The following POLD2 variants were observed in gnomAD, a reference collection of about 807,000 sequenced individuals.
The protein encoded by POLD2 is DNA polymerase delta subunit 2.
POLD2 carries 31 observed loss-of-function variants against 48.8 expected under a neutral mutation model. The ratio of observed to expected loss-of-function variants is 0.64; its 90% confidence interval spans 0.48 to 0.86. The LOEUF (loss-of-function observed/expected upper bound fraction) is 0.86. Among genes scored for constraint, POLD2 ranks in the 40% least tolerant of loss-of-function variants. The probability of loss-of-function intolerance (pLI) is 0.00; values close to 1 mark genes in which losing one functional copy is unlikely to be tolerated. For missense variants in POLD2, 455 were observed against 610.1 expected, an observed-to-expected ratio of 0.75 and a Z score of 2.68; for synonymous variants, 233 against 256.3, an observed-to-expected ratio of 0.91 and a Z score of 0.87.
In POLD2 at chr7:44,116,541, C is replaced by T; in HGVS notation, c.781-31G>A. On this transcript the variant is annotated intron_variant, in intron 6 of 10. Transcript: ENST00000610533. This position sits in a 1 kb window ranked among gnomAD's most constrained non-coding sequence, Gnocchi z 6.1. ...ATAGAAGCCCAGAAGGCCATCAGGC[C>T]CAGGCGAGTCCCAGGCTCAGAGGAG... 4 of 1,523,164 alleles carry T rather than the reference C, an allele frequency of 2.6e-6. No individual in the cohort carries two copies. The highest frequency in any genetic ancestry group is 3.6e-6 in the Non-Finnish European group (4 of 1,119,926). The allele number at this position is 1,523,164 out of a possible 1,614,324, so 94.4% of individuals were successfully genotyped here.
In POLD2 at chr7:44,122,111, T is replaced by G. The variant is rs3210071; in HGVS notation, c.-56-2A>C. 3 of 1,585,112 alleles carry G rather than the reference T, an allele frequency of 1.9e-6. No individual in the cohort carries two copies. Among genetic ancestry groups the G allele is most frequent in the Non-Finnish European group, 2.6e-6 (3 of 1,162,646 alleles). On this transcript the variant is annotated splice_acceptor_variant, in intron 1 of 10. Transcript: ENST00000610533. LOFTEE classifies it low-confidence loss of function (5UTR_SPLICE). ...CTTCGCCCAGGCCAAGGAGGTTCAC[T>G]GCGAAAACACAAAGGCATTCCTGCT...
chr7:44,118,797 T>G (rs984368516), intron 2 of POLD2, among the ~76,000 whole-genome samples: 25 of 152,008 alleles, frequency 1.6e-4, no homozygotes, highest in African/African-American at 5.3e-4. Flanking sequence ...GGGATTACAG[T>G]CGTGAGCCAC....
intron 4 of POLD2, 121 bp from the exon 5 acceptor site, chr7:44,117,368 ACTC>A: frequency 1.3e-6 from 1 of 766,736 alleles, no homozygotes; most frequent in Non-Finnish European, 2.2e-6. Context: ...CTCACCTAGG[ACTC>A]CAGGATGCAT....
At chr7:44,118,176 G>A (rs369465862) in intron 2 of POLD2, 112 bp from the exon 3 acceptor site, 26 of 1,181,934 alleles carry the variant, frequency 2.2e-5, no homozygotes, top group Non-Finnish European at 2.9e-5. Context: ...CCCTGGCCTT[G>A]CCAGGAGAGA....
rs757094810 is a variant in POLD2 at position 44,114,937 on chromosome 7, C to T, written c.1258G>A (p.Asp420Asn). The change falls in exon 11 of 11, where the codon GAC (aspartate) becomes AAC (asparagine). Residue 420 changes from aspartate (D) to asparagine (N), a missense_variant. Physicochemically the swap from Asp to Asn is conservative, Grantham distance 23. Around this residue, in one of 3 missense-constraint regions of POLD2, gnomAD observed 98 missense variants for 138.6 expected, o/e 0.71. Transcript: ENST00000610533. ...ACAGTCACCAACAGCACTGTCTGGT[C>T]CTCAGGACCTGCAAAGAAGTCACAT... is the stretch of plus-strand genomic sequence containing the variant. ...FGSKIIRGPE[D>N]QTVLLVTVPD... 6.2e-7 allele frequency: 1 copy of T among 1,603,960 alleles called. No individual in the cohort carries two copies. The highest frequency in any genetic ancestry group is 1.7e-5 in the Admixed American group (1 of 59,530).
chr7:44,116,415 C>T lies in POLD2; in HGVS notation c.861+15G>A. 1 of 1,574,622 alleles carries T rather than the reference C, an allele frequency of 6.4e-7. No individual in the cohort carries two copies. Among genetic ancestry groups the T allele is most frequent in the Non-Finnish European group, 8.6e-7 (1 of 1,159,422 alleles). On this transcript the variant is annotated intron_variant, in intron 7 of 10. Coordinates refer to ENST00000610533, the MANE Select transcript of POLD2 (RefSeq NM_006230.4). This position sits in a 1 kb window ranked among gnomAD's most constrained non-coding sequence, Gnocchi z 6.1. ...CTGCAATCCCCATCACCCCTCCAGC[C>T]CCCAGCTCGCTCACGCTCAGCTGCA...
intron 4 of POLD2, 50 bp downstream of exon 4, chr7:44,117,569 C>G (rs377762470): frequency 1.3e-6 from 2 of 1,567,964 alleles, no homozygotes; most frequent in Non-Finnish European, 1.7e-6. Context: ...AACACACCAC[C>G]GCTGGGCTCT....
chr7:44,118,744 C>T (rs915064869), intron 2 of POLD2, among the ~76,000 whole-genome samples: 3 of 151,726 alleles, frequency 2.0e-5, no homozygotes, highest in Non-Finnish European at 2.9e-5. Flanking sequence ...TGGTCTCAAT[C>T]TCTTGACCTT....
intron 2 of POLD2, among the ~76,000 whole-genome samples, chr7:44,119,698 G>A (rs546812686): frequency 6.6e-6 from 1 of 152,210 alleles, no homozygotes; most frequent in Non-Finnish European, 1.5e-5. Flanking sequence ...CCCTGTAACC[G>A]ATAGTAGGAC....
rs2096242201 is a variant in POLD2 at position 44,117,605 on chromosome 7, A to G, written c.466+14T>C. ...TCACCTGCATCACCCACATCCTCTC[A>G]TTGGGCTCCCTACCCGTAACCAGCT... On this transcript the variant is annotated intron_variant, in intron 4 of 10. Coordinates refer to ENST00000610533, the MANE Select transcript of POLD2 (RefSeq NM_006230.4). The G allele has an allele frequency of 1.9e-6, 3 of 1,594,908 alleles. No homozygotes were observed. In the Admixed American group the frequency reaches 5.2e-5, roughly 28 times the overall value.
intron 2 of POLD2, among the ~76,000 whole-genome samples, chr7:44,118,978 A>T (rs1649943118): frequency 6.6e-6 from 1 of 151,960 alleles, no homozygotes; most frequent in South Asian, 2.1e-4. Flanking sequence ...AATAACTGCC[A>T]TTTTCTTTTA....
Position 44,116,874 on chromosome 7 carries a change from A to G in POLD2, c.723T>C (p.Val241=), listed in dbSNP as rs765701752. 5.0e-6 allele frequency: 8 copies of G among 1,613,958 alleles called. No individual in the cohort carries two copies. Among genetic ancestry groups the G allele is most frequent in the Non-Finnish European group, 3.4e-6 (4 of 1,179,982 alleles). The change falls in exon 6 of 11, where the codon GTT becomes GTC. Residue 241 remains valine, a synonymous_variant. Coordinates refer to ENST00000610533, the MANE Select transcript of POLD2 (RefSeq NM_006230.4). This position sits in a 1 kb window ranked among gnomAD's most constrained non-coding sequence, Gnocchi z 6.1. ...GGCTGAGGAGGTTGCCAGCGAGGAT[A>G]ACCCGGGAGACGTGGGCGGCGCTGC... The part of the protein sequence containing the change: ...EQCSAAHVSR[V]ILAGNLLSHS...
Position 44,117,660 on chromosome 7 carries a change from A to G in POLD2, c.425T>C (p.Ile142Thr), listed in dbSNP as rs2073944333. ...CACGTCAATGGTGCCTTTTAGTTTG[A>G]TACGCTGCAGTTCATCTTCCAAGAC... ...ELVLEDELQRIKLKGTIDVSK... is the reference protein window; with the variant it reads ...ELVLEDELQRTKLKGTIDVSK... Residue 142 changes from isoleucine (I) to threonine (T), a missense_variant, in exon 4 of 11, where the codon ATC (isoleucine) becomes ACC (threonine). Ile to Thr is a moderately conservative substitution (Grantham distance 89). Around this residue, in one of 3 missense-constraint regions of POLD2, gnomAD observed 349 missense variants for 437.4 expected, o/e 0.80. Coordinates refer to ENST00000610533, the MANE Select transcript of POLD2 (RefSeq NM_006230.4). 1 of 1,609,726 alleles carries G rather than the reference A, an allele frequency of 6.2e-7. No individual in the cohort carries two copies. The highest frequency in any genetic ancestry group is 1.3e-5 in the African/African-American group (1 of 74,836).
chr7:44,123,529 C>G lies in POLD2; in HGVS notation c.-75G>C. On this transcript the variant is annotated 5_prime_UTR_variant, in exon 1 of 11. Transcript: ENST00000610533. ...CACTCACCGCGCGGCGCGCCGCATCCCGCCAATCCCCGCGCGCCTGCCCCG... is the reference window on the plus strand; with the variant it reads ...CACTCACCGCGCGGCGCGCCGCATCGCGCCAATCCCCGCGCGCCTGCCCCG... 1.3e-6 allele frequency: 2 copies of G among 1,488,136 alleles called. No individual in the cohort carries two copies. Among genetic ancestry groups the G allele is most frequent in the Non-Finnish European group, 1.8e-6 (2 of 1,127,126 alleles). The allele number at this position is 1,488,136 out of a possible 1,614,324, so 92.2% of individuals were successfully genotyped here.
intron 10 of POLD2, 29 bp from the exon 11 acceptor site, chr7:44,114,974 T>C: frequency 6.3e-7 from 1 of 1,576,884 alleles, no homozygotes; most frequent in Non-Finnish European, 8.7e-7. Context: ...GGACCCACTG[T>C]AGGTTCCAAG....
chr7:44,117,061 G>GCC (rs1173662631), intron 5 of POLD2, 46 bp from the exon 6 acceptor site: 1 of 1,607,476 alleles, frequency 6.2e-7, no homozygotes, highest in South Asian at 1.1e-5. Context: ...AAGGGAGGCA[G>GCC]CCCCTCCTAG....
chr7:44,114,999 A>T lies in POLD2; in HGVS notation c.1250-54T>A, dbSNP rs1234764953. 7.5e-5 allele frequency: 111 copies of T among 1,488,814 alleles called. No homozygotes were observed. The East Asian group carries it at 2.6e-3, about 34-fold the overall frequency. 92.2% of individuals were successfully genotyped at this position (1,488,814 alleles called of 1,614,324 possible). A position where few individuals can be genotyped will look rare whatever the true frequency, so the allele number is the denominator to read the frequency against. On this transcript the variant is annotated intron_variant, in intron 10 of 10. Transcript: ENST00000610533. ...TAGGTTCCAAGTAAGTCCTGCCTCA[A>T]AGAGAAGCTGCCAGAAATAAACAGG...
Position 44,116,080 on chromosome 7 carries a change from G to A in POLD2, c.1019+35C>T, listed in dbSNP as rs748832838. 6.2e-7 allele frequency: 1 copy of A among 1,613,010 alleles called. No individual in the cohort carries two copies. The highest frequency in any genetic ancestry group is 8.5e-7 in the Non-Finnish European group (1 of 1,179,720). The stretch of plus-strand genomic sequence containing the variant: ...TTCTTTGTGCCTCCTGAGGCAAAAG[G>A]CTGGGTCAGACTGAAGTGTGGCTGT... On this transcript the variant is annotated intron_variant, in intron 8 of 10. Transcript: ENST00000610533. This position sits in a 1 kb window ranked among gnomAD's most constrained non-coding sequence, Gnocchi z 6.1.
rs1179504034 is a variant in POLD2 at position 44,117,315 on chromosome 7, A to G, written c.467-68T>C. On this transcript the variant is annotated intron_variant, in intron 4 of 10. Transcript: ENST00000610533. Reference sequence around the variant, plus strand: ...GCTACCACTCCTTCCAGTCACCCCAACGGGCAAAACAAGCCAGTTCTCCAC... The same window carrying G: ...GCTACCACTCCTTCCAGTCACCCCAGCGGGCAAAACAAGCCAGTTCTCCAC... The G allele has an allele frequency of 8.6e-6, 10 of 1,161,336 alleles. No homozygotes were observed. In the Admixed American group the frequency reaches 1.9e-4, roughly 22 times the overall value. The allele number at this position is 1,161,336 out of a possible 1,614,324, so 71.9% of individuals were successfully genotyped here.
Sources: gnomAD v4.1 joint callset for allele counts (sites outside exome capture counted in the v4.1 genomes callset) on GRCh38, gnomAD v4.1.1 for gene constraint, gnomAD v4.1.1 regional missense constraint, Gnocchi (gnomAD v3.1) non-coding constraint, MANE v1.5 for transcripts, NCBI Gene and HGNC (gene_info 2026-07-23, HGNC 2026-07-21) for gene names.